The following ASTN2 variants were observed in gnomAD, a reference collection of about 807,000 sequenced individuals.
ASTN2 encodes the protein astrotactin 2.
In ASTN2, 54 loss-of-function variants were observed where a neutral mutation model predicts 139.8. That is an observed-to-expected ratio of 0.39 (90% CI 0.31 to 0.48). ASTN2 has a LOEUF of 0.48. Ranked by LOEUF, ASTN2 falls within the 20% of genes least tolerant of loss-of-function variation. The pLI is 0.95. For synonymous variants in ASTN2, 756 were observed against 719.5 expected, an observed-to-expected ratio of 1.05 and a Z score of -0.81; for missense variants, 1,565 against 1,725.1, an observed-to-expected ratio of 0.91 and a Z score of 1.64.
intron 7 of ASTN2, among the ~76,000 whole-genome samples, chr9:116,993,876 A>ATATATTTTTTTT (rs1030120382): frequency 2.9e-3 from 408 of 142,036 alleles, no homozygotes; most frequent in Non-Finnish European, 4.5e-3. Flanking sequence ...ATATATATAT[A>ATATATTTTTTTT]TTTTAACTAT....
At chr9:116,507,380 G>C (rs902725746) in intron 19 of ASTN2, among the ~76,000 whole-genome samples, 1 of 152,154 alleles carries the variant, frequency 6.6e-6, no homozygotes, top group Admixed American at 6.5e-5. Flanking sequence ...AAAGTGACTT[G>C]TCTGAAGACA....
intron 12 of ASTN2, among the ~76,000 whole-genome samples, chr9:116,818,863 T>C (rs999720316): frequency 2.6e-5 from 4 of 152,344 alleles, no homozygotes; most frequent in African/African-American, 7.2e-5. Flanking sequence ...TTGCTGAAGG[T>C]TACACAGCAA....
intron 4 of ASTN2, among the ~76,000 whole-genome samples, chr9:117,103,053 G>T (rs757441615): frequency 6.6e-6 from 1 of 151,960 alleles, no homozygotes; most frequent in Non-Finnish European, 1.5e-5. Context: ...CAGTGTGTGG[G>T]GATGCAGAAG....
intron 2 of ASTN2, among the ~76,000 whole-genome samples, chr9:117,278,209 C>T (rs1407699134): frequency 6.6e-6 from 1 of 152,172 alleles, no homozygotes; most frequent in Non-Finnish European, 1.5e-5. Context: ...CCACTCCAGT[C>T]CTATTGAGGA....
chr9:116,959,251 C>T (rs1017044970), intron 10 of ASTN2, among the ~76,000 whole-genome samples: 6 of 152,100 alleles, frequency 3.9e-5, no homozygotes, highest in Non-Finnish European at 7.4e-5. Context: ...ATGAGTAAAA[C>T]GTAGCCAGAT....
At chr9:116,761,081 C>T (rs530337096) in intron 13 of ASTN2, among the ~76,000 whole-genome samples, 89 of 152,340 alleles carry the variant, frequency 5.8e-4, no homozygotes, top group African/African-American at 2.1e-3. Context: ...CTGTCCTCCA[C>T]CCCTCATATC....
At chr9:117,017,005 T>G (rs1306984228) in intron 6 of ASTN2, among the ~76,000 whole-genome samples, 1 of 151,622 alleles carries the variant, frequency 6.6e-6, no homozygotes, top group Non-Finnish European at 1.5e-5. Flanking sequence ...CTGCATGCCT[T>G]TATGTATCTA....
chr9:116,721,088 T>A (rs1588238564), intron 16 of ASTN2, among the ~76,000 whole-genome samples: 1 of 152,128 alleles, frequency 6.6e-6, no homozygotes, highest in Non-Finnish European at 1.5e-5. Flanking sequence ...AGGGCATGGG[T>A]TGGATCAAGA....
intron 20 of ASTN2, among the ~76,000 whole-genome samples, chr9:116,452,056 G>A (rs1417862199): frequency 6.6e-6 from 1 of 152,004 alleles, no homozygotes; most frequent in Admixed American, 6.6e-5. Flanking sequence ...ACTAGCTATA[G>A]TACTTAATTG....
intron 6 of ASTN2, among the ~76,000 whole-genome samples, chr9:117,023,423 C>T (rs1280988025): frequency 2.6e-5 from 4 of 152,136 alleles, no homozygotes; most frequent in Admixed American, 6.6e-5. Flanking sequence ...CTTTAAATGT[C>T]GTTTTCTCAG....
At chr9:116,527,011 G>A (rs929429791) in intron 19 of ASTN2, among the ~76,000 whole-genome samples, 21 of 152,026 alleles carry the variant, frequency 1.4e-4, no homozygotes, top group African/African-American at 4.6e-4. Context: ...GAATAAAATT[G>A]GACTCTCACA....
chr9:116,642,132 C>CCAAA lies in ASTN2; in HGVS notation c.3072+9395_3072+9396insTTTG, dbSNP rs1554724602. Among the ~76,000 whole-genome samples, 244 of 48,922 alleles carry CCAAA rather than the reference C, an allele frequency of 5.0e-3. 7 individuals are homozygous for CCAAA. Among genetic ancestry groups the CCAAA allele is most frequent in the Middle Eastern group, 0.017 (1 of 60 alleles). 32.1% of individuals were successfully genotyped at this position (48,922 alleles called of 152,430 possible). ...TGGGAAAATGAAGGCTCCCAACCCA[C>CCAAA]AAAAAAAAAAAAACAAAAAAAAACA... On this transcript the variant is annotated intron_variant, in intron 17 of 22. Coordinates refer to ENST00000313400, the MANE Select transcript of ASTN2 (RefSeq NM_001365068.1).
chr9:116,662,093 TG>T (rs1253736371), intron 16 of ASTN2, among the ~76,000 whole-genome samples: 1 of 152,024 alleles, frequency 6.6e-6, no homozygotes, highest in Non-Finnish European at 1.5e-5. Context: ...CAGCTTCACG[TG>T]CCATGCCTGT....
chr9:116,515,176 G>A (rs1468512851), intron 19 of ASTN2, among the ~76,000 whole-genome samples: 1 of 152,112 alleles, frequency 6.6e-6, no homozygotes, highest in African/African-American at 2.4e-5. Flanking sequence ...CCCCGATAAG[G>A]TGAATTCTCA....
intron 6 of ASTN2, among the ~76,000 whole-genome samples, chr9:117,023,508 T>A (rs950980751): frequency 2.0e-5 from 3 of 152,144 alleles, no homozygotes; most frequent in African/African-American, 7.2e-5. Flanking sequence ...TACACCATTT[T>A]AATTATCCTC....
chr9:117,053,937 T>C (rs186215876), intron 5 of ASTN2, among the ~76,000 whole-genome samples: 1 of 152,194 alleles, frequency 6.6e-6, no homozygotes, highest in Admixed American at 6.5e-5. Context: ...ACCACTAACA[T>C]TTTAGCAAAA....
intron 1 of ASTN2, among the ~76,000 whole-genome samples, chr9:117,305,953 G>A (rs1179559047): frequency 6.6e-6 from 1 of 152,158 alleles, no homozygotes; most frequent in Non-Finnish European, 1.5e-5. Flanking sequence ...CAAATAAATT[G>A]CTTTTACTCC....
intron 10 of ASTN2, among the ~76,000 whole-genome samples, chr9:116,902,350 AAG>A (rs1281309360): frequency 2.0e-5 from 3 of 152,236 alleles, no homozygotes; most frequent in African/African-American, 7.2e-5. Flanking sequence ...CATATAAAGA[AAG>A]AAAATATTTT....
chr9:117,037,816 T>C (rs891490067), intron 6 of ASTN2, among the ~76,000 whole-genome samples: 3 of 152,184 alleles, frequency 2.0e-5, no homozygotes, highest in Non-Finnish European at 4.4e-5. Flanking sequence ...TGCCATTTTC[T>C]GGCCACTTCC....
Sources: gnomAD v4.1 joint callset for allele counts (sites outside exome capture counted in the v4.1 genomes callset) on GRCh38, gnomAD v4.1.1 for gene constraint, MANE v1.5 for transcripts, NCBI Gene and HGNC (gene_info 2026-07-23, HGNC 2026-07-21) for gene names.